Variants in RARB observed in about 807,000 individuals in gnomAD.
RARB encodes retinoic acid receptor beta.
In RARB, 17 loss-of-function variants were observed where a neutral mutation model predicts 51.9. The ratio of observed to expected loss-of-function variants is 0.33; its 90% CI spans 0.22 to 0.49. The LOEUF is 0.49. Among genes scored for constraint, RARB ranks in the 20% least tolerant of loss-of-function variants. RARB has a pLI of 0.99. For synonymous variants in RARB, 215 were observed against 195.4 expected (o/e 1.10, Z -0.84); for missense variants, 369 against 550.8 (o/e 0.67, Z 3.30).
At chr3:25,283,201 G>A (rs997243316) in intron 5 of RARB, among the ~76,000 whole-genome samples, 2 of 152,120 alleles carry the variant, frequency 1.3e-5, no homozygotes, top group Non-Finnish European at 2.9e-5. Context: ...AAAATCAAAA[G>A]TTTAAGTCCT....
intron 5 of RARB, among the ~76,000 whole-genome samples, chr3:25,399,981 A>G (rs1707220946): frequency 6.6e-6 from 1 of 152,206 alleles, no homozygotes; most frequent in Non-Finnish European, 1.5e-5. Context: ...CGGGGATAAG[A>G]AATAATAAGA....
intron 4 of RARB, among the ~76,000 whole-genome samples, chr3:25,137,541 T>C (rs947065705): frequency 6.6e-6 from 1 of 152,108 alleles, no homozygotes; most frequent in Admixed American, 6.6e-5. Flanking sequence ...GTTTTGATTT[T>C]AGTAGAAAAT....
intron 3 of RARB, among the ~76,000 whole-genome samples, chr3:25,089,470 C>G (rs1191601337): frequency 1.7e-5 from 2 of 119,528 alleles, no homozygotes; most frequent in African/African-American, 6.8e-5. Flanking sequence ...AAGCATTGAT[C>G]AGGACTCAAT....
intron 3 of RARB, among the ~76,000 whole-genome samples, chr3:25,501,764 T>C (rs1697326644): frequency 6.6e-6 from 1 of 152,218 alleles, no homozygotes. Flanking sequence ...GTATAACTTG[T>C]GGAAGAAACA....
intron 5 of RARB, among the ~76,000 whole-genome samples, chr3:25,247,084 G>A (rs375925700): frequency 1.3e-5 from 2 of 152,194 alleles, no homozygotes; most frequent in African/African-American, 2.4e-5. Flanking sequence ...AGTGGGCTCC[G>A]CCCAGTCAGA....
intron 2 of RARB, among the ~76,000 whole-genome samples, chr3:24,891,252 AG>A: frequency 6.6e-6 from 1 of 152,314 alleles, no homozygotes; most frequent in Non-Finnish European, 1.5e-5. Context: ...CTTCCAAACT[AG>A]GCTATGAGTC....
intron 4 of RARB, among the ~76,000 whole-genome samples, chr3:25,137,709 T>C (rs1238114700): frequency 6.6e-6 from 1 of 152,120 alleles, no homozygotes; most frequent in Admixed American, 6.6e-5. Context: ...CAACTTTGTT[T>C]ATTGTCATTT....
At chr3:25,113,907 C>T (rs1203541843) in intron 3 of RARB, among the ~76,000 whole-genome samples, 24 of 152,070 alleles carry the variant, frequency 1.6e-4, no homozygotes, top group African/African-American at 2.4e-5. Flanking sequence ...AGGGACCTGC[C>T]AGGATAGTAA....
intron 5 of RARB, among the ~76,000 whole-genome samples, chr3:25,370,214 G>A (rs1389590410): frequency 2.6e-5 from 4 of 152,106 alleles, no homozygotes; most frequent in Non-Finnish European, 5.9e-5. Context: ...GGTTAAAGGA[G>A]CACTTTACCT....
At chr3:24,904,202 T>C (rs1694797790) in intron 2 of RARB, among the ~76,000 whole-genome samples, 1 of 152,212 alleles carries the variant, frequency 6.6e-6, no homozygotes, top group South Asian at 2.1e-4. Flanking sequence ...AATGATAATA[T>C]TGGCTTAATA....
chr3:25,101,055 T>G (rs1699391120), intron 3 of RARB, among the ~76,000 whole-genome samples: 2 of 152,188 alleles, frequency 1.3e-5, no homozygotes. Flanking sequence ...TTATTGGATT[T>G]ATTTGGTGGA....
intron 3 of RARB, among the ~76,000 whole-genome samples, chr3:25,563,231 C>G (rs987737516): frequency 4.6e-5 from 7 of 152,196 alleles, no homozygotes; most frequent in African/African-American, 7.2e-5. Context: ...GAGCAGTCCT[C>G]TTAGGATTCC....
intron 5 of RARB, among the ~76,000 whole-genome samples, chr3:25,305,843 TGAA>T (rs1704141396): frequency 6.6e-6 from 1 of 152,146 alleles, no homozygotes; most frequent in Admixed American, 6.5e-5. Flanking sequence ...AACTCAAGAT[TGAA>T]GAGTAAAATG....
At chr3:25,407,420 C>T (rs1347968101) in intron 5 of RARB, among the ~76,000 whole-genome samples, 1 of 152,172 alleles carries the variant, frequency 6.6e-6, no homozygotes, top group Non-Finnish European at 1.5e-5. Flanking sequence ...CTAGGGAGGA[C>T]ACTTCACATT....
intron 2 of RARB, among the ~76,000 whole-genome samples, chr3:25,007,031 GCAGA>G (rs553423135): frequency 2.2e-3 from 332 of 152,292 alleles, no homozygotes; most frequent in African/African-American, 7.7e-3. Flanking sequence ...AGAATGAGTT[GCAGA>G]CAGTGATTGC....
chr3:24,931,303 C>T (rs779624883), intron 2 of RARB, among the ~76,000 whole-genome samples: 1 of 152,198 alleles, frequency 6.6e-6, no homozygotes, highest in South Asian at 2.1e-4. Flanking sequence ...ATCTCCTATT[C>T]CTCCAAATAC....
chr3:25,135,779 C>T (rs1559479254), intron 4 of RARB, among the ~76,000 whole-genome samples: 1 of 151,906 alleles, frequency 6.6e-6, no homozygotes, highest in Non-Finnish European at 1.5e-5. Flanking sequence ...AAAAAGTAGT[C>T]AGTAGAACTA....
chr3:25,065,843 C>T (rs537580177), intron 3 of RARB, among the ~76,000 whole-genome samples: 1 of 152,294 alleles, frequency 6.6e-6, no homozygotes, highest in Admixed American at 6.5e-5. Context: ...GGGAAGGAAG[C>T]CACTGTTACC....
At chr3:25,070,488 A>T (rs1698746019) in intron 3 of RARB, among the ~76,000 whole-genome samples, 1 of 152,038 alleles carries the variant, frequency 6.6e-6, no homozygotes, top group African/African-American at 2.4e-5. Flanking sequence ...GGTATCAAGG[A>T]CTCTTAGGTG....
Sources: allele counts gnomAD v4.1 joint callset (sites outside exome capture counted in the v4.1 genomes callset), GRCh38; gene constraint gnomAD v4.1.1; transcripts MANE v1.5; gene names NCBI Gene and HGNC (gene_info 2026-07-23, HGNC 2026-07-21).